KDM5A: variants seen among roughly 807,000 people sequenced by gnomAD.
The protein encoded by KDM5A is lysine-specific demethylase 5A.
KDM5A carries 42 observed loss-of-function variants against 193.5 expected under a neutral mutation model. The observed-to-expected ratio is 0.22, with a 90% CI of 0.17 to 0.28. KDM5A has a LOEUF of 0.28. Ranked by LOEUF, KDM5A falls within the 10% of genes least tolerant of loss-of-function variation. The probability of loss-of-function intolerance (pLI) is 1.00; values close to 1 mark genes in which losing one functional copy is unlikely to be tolerated. For synonymous variants in KDM5A, 796 were observed against 718.1 expected (o/e 1.11, Z -1.73); for missense variants, 1,692 against 2,055.1 (o/e 0.82, Z 3.42).
At position 376,703 on chromosome 12, in the gene KDM5A, T is replaced by C. The variant is rs564753332; in HGVS notation, c.366+7328A>G. ...GGGAGCTGTAGACCGGAGCTGTTCC[T>C]ATTCGGCCATCTTGGGAACATCTAG... On this transcript the variant is annotated intron_variant, in intron 3 of 27. Coordinates refer to ENST00000399788, the MANE Select transcript of KDM5A (RefSeq NM_001042603.3). 2.0e-5 allele frequency among the ~76,000 whole-genome samples: 3 copies of C among 152,332 alleles called. No homozygotes were observed. The South Asian group carries it at 6.2e-4, about 32-fold the overall frequency.
chr12:330,598 T>C (rs759910939), intron 13 of KDM5A, among the ~76,000 whole-genome samples: 6 of 152,186 alleles, frequency 3.9e-5, no homozygotes, highest in African/African-American at 1.2e-4. Context: ...TTACCATGTA[T>C]CATAAACACT....
At chr12:374,999 G>A (rs1944483691) in intron 3 of KDM5A, among the ~76,000 whole-genome samples, 2 of 152,092 alleles carry the variant, frequency 1.3e-5, no homozygotes, top group East Asian at 1.9e-4. Context: ...CTCTCTGGCT[G>A]CCCTTAACAT....
Position 329,449 on chromosome 12 carries a change from A to C in KDM5A, c.1774-420T>G, listed in dbSNP as rs986259467. ...GGTTAAGTGGAAGTATTCAGCACTC[A>C]AATTTCCATAGAACAAAAAGAACAG... is the stretch of plus-strand genomic sequence containing the variant. On this transcript the variant is annotated intron_variant, in intron 13 of 27. Coordinates refer to ENST00000399788, the MANE Select transcript of KDM5A (RefSeq NM_001042603.3). Among the ~76,000 whole-genome samples the C allele has an allele frequency of 3.4e-4, 51 of 152,032 alleles. 1 individual carries two copies. Among genetic ancestry groups the C allele is most frequent in the Non-Finnish European group, 2.9e-5 (2 of 68,006 alleles).
chr12:371,563 T>G (rs1344837280), intron 3 of KDM5A, among the ~76,000 whole-genome samples: 1 of 152,224 alleles, frequency 6.6e-6, no homozygotes, highest in African/African-American at 2.4e-5. Context: ...GTTGCTTGTT[T>G]ACTCTGATGG....
At chr12:386,980 T>C (rs1171190722) in intron 1 of KDM5A, among the ~76,000 whole-genome samples, 1 of 152,170 alleles carries the variant, frequency 6.6e-6, no homozygotes, top group African/African-American at 2.4e-5. Flanking sequence ...TAAGAACTTA[T>C]TTATTTAAAC....
chr12:334,201 T>C (rs566857676), intron 11 of KDM5A, 40 bp downstream of exon 11: 3 of 1,556,176 alleles, frequency 1.9e-6, no homozygotes, highest in East Asian at 4.5e-5. Flanking sequence ...CACTAGACTT[T>C]AGTAGAGTTC....
Position 376,240 on chromosome 12 carries a change from T to C in KDM5A, c.366+7791A>G, listed in dbSNP as rs997758210. Among the ~76,000 whole-genome samples the C allele has an allele frequency of 3.3e-5, 5 of 152,314 alleles. No individual in the cohort carries two copies. The East Asian group carries it at 9.6e-4, about 29-fold the overall frequency. ...CGGTGGGCTCCACCCAGTTCGAGCT[T>C]CTGGGCTGCTTTGTTTACCTACTCA... On this transcript the variant is annotated intron_variant, in intron 3 of 27. Transcript: ENST00000399788.
rs764135923 is a variant in KDM5A at position 389,195 on chromosome 12, C to A, written c.-104G>T. 7 of 1,077,146 alleles carry A rather than the reference C, an allele frequency of 6.5e-6. No homozygotes were observed. The East Asian group carries it at 1.7e-4, about 25-fold the overall frequency. 66.7% of individuals were successfully genotyped at this position (1,077,146 alleles called of 1,614,324 possible). On this transcript the variant is annotated 5_prime_UTR_variant, in exon 1 of 28. An upstream start codon of the reference 5' UTR is lost. Transcript: ENST00000399788. ...AAGTCCCCTGACAGAGGCCGAAGCGCATCTTCGCGGACAAGAACCGTTCAA... is the reference window on the plus strand; with the variant it reads ...AAGTCCCCTGACAGAGGCCGAAGCGAATCTTCGCGGACAAGAACCGTTCAA...
At chr12:348,766 T>A (rs1291588746) in intron 10 of KDM5A, among the ~76,000 whole-genome samples, 1 of 144,486 alleles carries the variant, frequency 6.9e-6, no homozygotes, top group African/African-American at 2.6e-5. Flanking sequence ...TGTCAGGGGG[T>A]GGGGGGCTGG....
At chr12:286,782 C>T (rs937048870) in intron 27 of KDM5A, among the ~76,000 whole-genome samples, 3 of 152,118 alleles carry the variant, frequency 2.0e-5, no homozygotes, top group Admixed American at 6.5e-5. Flanking sequence ...ACAGTAGTCA[C>T]GTCAGTAGTT....
chr12:359,294 C>T (rs999970015), intron 5 of KDM5A, among the ~76,000 whole-genome samples: 12 of 152,164 alleles, frequency 7.9e-5, no homozygotes, highest in Non-Finnish European at 1.3e-4. Context: ...ACAAGCACAC[C>T]GTGTGCTCAC....
chr12:368,027 A>G (rs560544609), intron 3 of KDM5A, among the ~76,000 whole-genome samples: 25 of 152,246 alleles, frequency 1.6e-4, no homozygotes, highest in Non-Finnish European at 3.4e-4. Context: ...ACAGAACCCA[A>G]AAGTTTATCA....
chr12:365,590 A>C (rs1298618939), intron 4 of KDM5A, among the ~76,000 whole-genome samples: 3 of 152,226 alleles, frequency 2.0e-5, no homozygotes, highest in Non-Finnish European at 2.9e-5. Flanking sequence ...GCATAAATGT[A>C]GAAATGTATT....
In KDM5A at chr12:307,508, A is replaced by T. The variant is rs1356869649; in HGVS notation, c.3876T>A (p.Thr1292=). 1 of 1,613,830 alleles carries T rather than the reference A, an allele frequency of 6.2e-7. No homozygotes were observed. The change falls in exon 23 of 28, where the codon ACT becomes ACA. Residue 1292 remains threonine (T), a synonymous_variant. Transcript: ENST00000399788. This position sits in a 1 kb window ranked among gnomAD's most constrained non-coding sequence, Gnocchi z 4.3. ...RMVEQAAREK[T]EKIISAELQK... is the part of the protein sequence containing the mutation. ...GGAGTTCTGCACTGATGATCTTTTC[A>T]GTTTTTTCTCGAGCCGCCTGTTCCA...
chr12:376,188 CA>C (rs1398206765), intron 3 of KDM5A, among the ~76,000 whole-genome samples: 2 of 152,218 alleles, frequency 1.3e-5, no homozygotes, highest in Non-Finnish European at 2.9e-5. Flanking sequence ...GTGGAGTCTA[CA>C]GAGGAAGGCA....
intron 3 of KDM5A, among the ~76,000 whole-genome samples, chr12:373,184 T>G (rs1466127234): frequency 1.3e-5 from 2 of 152,224 alleles, no homozygotes; most frequent in African/African-American, 4.8e-5. Flanking sequence ...CTCCTCCTTG[T>G]ACATCTGGTA....
intron 8 of KDM5A, among the ~76,000 whole-genome samples, chr12:353,240 G>T (rs1565543523): frequency 6.6e-6 from 1 of 152,104 alleles, no homozygotes; most frequent in South Asian, 2.1e-4. Flanking sequence ...TGAGCTGGGA[G>T]TATCACCTGA....
chr12:285,990 C>G (rs1943216002), intron 27 of KDM5A: 1 of 437,982 alleles, frequency 2.3e-6, no homozygotes, highest in Admixed American at 3.5e-5. Context: ...GTAGTTTTAG[C>G]TAATATTAAC....
intron 3 of KDM5A, among the ~76,000 whole-genome samples, chr12:367,562 C>T (rs994035113): frequency 2.0e-5 from 3 of 152,058 alleles, no homozygotes; most frequent in Admixed American, 1.3e-4. Context: ...ATTAGCCAGA[C>T]GTGGTGGTGC....
Sources: allele counts gnomAD v4.1 joint callset (sites outside exome capture counted in the v4.1 genomes callset), GRCh38; gene constraint gnomAD v4.1.1; non-coding constraint Gnocchi (gnomAD v3.1); transcripts MANE v1.5; gene names NCBI Gene and HGNC (gene_info 2026-07-23, HGNC 2026-07-21).